STAT4: variants seen among roughly 807,000 people sequenced by gnomAD.
The protein encoded by STAT4 is signal transducer and activator of transcription 4.
In STAT4, 42 loss-of-function variants were observed where a neutral mutation model predicts 110.5. The ratio of observed to expected loss-of-function variants is 0.38; its 90% CI spans 0.30 to 0.49. The LOEUF (loss-of-function observed/expected upper bound fraction) is 0.49, where lower values mean the gene tolerates loss of function less well. Ranked by LOEUF, STAT4 falls within the 20% of genes least tolerant of loss-of-function variation. The pLI is 0.95. For missense variants in STAT4, 632 were observed against 887.9 expected (o/e 0.71, Z 3.66); for synonymous variants, 284 against 302.2 (o/e 0.94, Z 0.63).
rs200772241 is a variant in STAT4 at position 191,034,539 on chromosome 2, C to T, written c.1620+9G>A. The T allele has an allele frequency of 1.1e-5, 18 of 1,608,442 alleles. No homozygotes were observed. In the Admixed American group the frequency reaches 1.7e-4, roughly 15 times the overall value. On this transcript the variant is annotated intron_variant, in intron 18 of 23. Transcript: ENST00000392320. ...TGTATCTAAATGATGTTTCCCCGAC[C>T]GTTTGTACCTTGCAGAACTTGGCCC...
intron 8 of STAT4, among the ~76,000 whole-genome samples, chr2:191,063,165 T>G (rs868654271): frequency 6.6e-6 from 1 of 152,216 alleles, no homozygotes; most frequent in Non-Finnish European, 1.5e-5. Flanking sequence ...CAATTATATA[T>G]GTCATCATTT....
At chr2:191,094,093 A>G (rs1438035447) in intron 3 of STAT4, among the ~76,000 whole-genome samples, 1 of 152,248 alleles carries the variant, frequency 6.6e-6, no homozygotes, top group Non-Finnish European at 1.5e-5. Context: ...ACTATGTGAA[A>G]AGACCAAATC....
rs1305253798 is a variant in STAT4 at position 191,030,114 on chromosome 2, G to A, written c.2221-248C>T. 1.3e-5 allele frequency among the ~76,000 whole-genome samples: 2 copies of A among 152,166 alleles called. No individual in the cohort carries two copies. Among genetic ancestry groups the A allele is most frequent in the African/African-American group, 4.8e-5 (2 of 41,432 alleles). On this transcript the variant is annotated intron_variant, in intron 23 of 23. Coordinates refer to ENST00000392320, the MANE Select transcript of STAT4 (RefSeq NM_003151.4). The surrounding 1 kb of genome is among the most constrained non-coding windows in gnomAD (Gnocchi z 4.4). ...CCTGTTTATCCACCAAAAACATAAT[G>A]AGGAAATGGGTGCAAAATGTAGCAA...
At chr2:191,038,299 T>A (rs1042981158) in intron 16 of STAT4, among the ~76,000 whole-genome samples, 1 of 152,212 alleles carries the variant, frequency 6.6e-6, no homozygotes, top group Non-Finnish European at 1.5e-5. Flanking sequence ...TTGTCTCAGA[T>A]GCTAGGGCAC....
chr2:191,117,372 C>A lies in STAT4; in HGVS notation c.273+29241G>T, dbSNP rs1698600527. Among the ~76,000 whole-genome samples, 2 of 152,226 alleles carry A rather than the reference C, an allele frequency of 1.3e-5. No homozygotes were observed. Among genetic ancestry groups the A allele is most frequent in the Non-Finnish European group, 2.9e-5 (2 of 68,042 alleles). On this transcript the variant is annotated intron_variant, in intron 3 of 23. Coordinates refer to ENST00000392320, the MANE Select transcript of STAT4 (RefSeq NM_003151.4). The surrounding 1 kb of genome is among the most constrained non-coding windows in gnomAD (Gnocchi z 5.2). ...GCCATTGCATCTAATTTAGTGCCAACACAAATGTAATTTATTGCATGATTA... is the reference window on the plus strand; with the variant it reads ...GCCATTGCATCTAATTTAGTGCCAAAACAAATGTAATTTATTGCATGATTA...
Position 191,099,597 on chromosome 2 carries a change from A to C in STAT4, c.274-23272T>G, listed in dbSNP as rs12693593. Among the ~76,000 whole-genome samples, 13,523 of 152,204 alleles carry C rather than the reference A, an allele frequency of 0.089. 623 individuals are homozygous for C. Among genetic ancestry groups the C allele is most frequent in the Middle Eastern group, 0.12 (35 of 294 alleles). On this transcript the variant is annotated intron_variant, in intron 3 of 23. Coordinates refer to ENST00000392320, the MANE Select transcript of STAT4 (RefSeq NM_003151.4). The surrounding 1 kb of genome is among the most constrained non-coding windows in gnomAD (Gnocchi z 4.1). ...TTTGTAAATGACAAAATATTTCATC[A>C]TTTACAAAATTTCATAAACAACACA...
intron 3 of STAT4, among the ~76,000 whole-genome samples, chr2:191,097,247 T>C (rs975435407): frequency 7.2e-5 from 11 of 152,182 alleles, no homozygotes; most frequent in African/African-American, 2.2e-4. Context: ...CAAAGACTTT[T>C]TTCACAGAAT....
chr2:191,111,481 A>G (rs1698418980), intron 3 of STAT4, among the ~76,000 whole-genome samples: 1 of 152,242 alleles, frequency 6.6e-6, no homozygotes, highest in African/African-American at 2.4e-5. Context: ...AGTAACAAAC[A>G]GAAATGAACA....
At position 191,150,383 on chromosome 2, in the gene STAT4, T is replaced by C. The variant is rs538576830; in HGVS notation, c.-2+564A>G. Among the ~76,000 whole-genome samples, 28 of 152,352 alleles carry C rather than the reference T, an allele frequency of 1.8e-4. No individual in the cohort carries two copies. The highest frequency in any genetic ancestry group is 9.1e-4 in the Admixed American group (14 of 15,306). On this transcript the variant is annotated intron_variant, in intron 1 of 23. Coordinates refer to ENST00000392320, the MANE Select transcript of STAT4 (RefSeq NM_003151.4). This position sits in a 1 kb window ranked among gnomAD's most constrained non-coding sequence, Gnocchi z 6.4. ...ACGTTGCTTCTGAAAACTCAGTGCC[T>C]GTCTGTCCTTTTTGCGTGCATTTCC... is the stretch of plus-strand genomic sequence containing the variant.
chr2:191,109,774 A>G (rs906455381), intron 3 of STAT4, among the ~76,000 whole-genome samples: 1 of 152,132 alleles, frequency 6.6e-6, no homozygotes, highest in Non-Finnish European at 1.5e-5. Flanking sequence ...AATGAATCCC[A>G]CTGTTGGTTT....
chr2:191,094,179 G>A (rs1293824307), intron 3 of STAT4, among the ~76,000 whole-genome samples: 17 of 152,230 alleles, frequency 1.1e-4, no homozygotes, highest in Admixed American at 5.9e-4. Context: ...GATATTATCC[G>A]GGAGAACTTT....
At chr2:191,087,638 G>A (rs890892410) in intron 3 of STAT4, among the ~76,000 whole-genome samples, 1 of 152,056 alleles carries the variant, frequency 6.6e-6, no homozygotes, top group African/African-American at 2.4e-5. Flanking sequence ...GTCTTGTTAT[G>A]ACCAGCTTCT....
At chr2:191,109,062 G>A (rs1040785888) in intron 3 of STAT4, among the ~76,000 whole-genome samples, 3 of 152,164 alleles carry the variant, frequency 2.0e-5, no homozygotes, top group African/African-American at 7.2e-5. Context: ...GAATTGCAAT[G>A]CACTATTAAG....
At chr2:191,118,862 G>A (rs1574173143) in intron 3 of STAT4, among the ~76,000 whole-genome samples, 1 of 152,162 alleles carries the variant, frequency 6.6e-6, no homozygotes, top group African/African-American at 2.4e-5. Flanking sequence ...GGGCTCAGGT[G>A]ATGCTCCCAC....
chr2:191,066,335 T>A lies in STAT4; in HGVS notation c.630+95A>T, dbSNP rs1696985412. 1.5e-5 allele frequency: 17 copies of A among 1,113,014 alleles called. No homozygotes were observed. The South Asian group carries it at 2.0e-4, about 13-fold the overall frequency. The allele number at this position is 1,113,014 out of a possible 1,614,324, so 68.9% of individuals were successfully genotyped here. ...CGTTTCTTCATTCAGTAAATGGAAC[T>A]GATAAAATCTGACAGCTTGATTATT... On this transcript the variant is annotated intron_variant, in intron 7 of 23. Coordinates refer to ENST00000392320, the MANE Select transcript of STAT4 (RefSeq NM_003151.4). The surrounding 1 kb of genome is among the most constrained non-coding windows in gnomAD (Gnocchi z 4.3).
rs1275348059 is a variant in STAT4, at chr2:191,039,345, A to G, written c.1336-48T>C. The stretch of plus-strand genomic sequence containing the variant: ...TAGTTATTACAGGTAGTCCCACCTT[A>G]CATTGATCTTATGCTTGACCCTCGC... On this transcript the variant is annotated intron_variant, in intron 15 of 23. Coordinates refer to ENST00000392320, the MANE Select transcript of STAT4 (RefSeq NM_003151.4). This position sits in a 1 kb window ranked among gnomAD's most constrained non-coding sequence, Gnocchi z 4.7. The G allele has an allele frequency of 6.5e-7, 1 of 1,539,826 alleles. No individual in the cohort carries two copies. The highest frequency in any genetic ancestry group is 9.0e-7 in the Non-Finnish European group (1 of 1,112,586).
At chr2:191,076,023 A>ATTTT in intron 4 of STAT4, 5 of 413,324 alleles carry the variant, frequency 1.2e-5, no homozygotes, top group South Asian at 6.8e-5. Context: ...CTAATTTTTA[A>ATTTT]TTTTTTTTTT....
intron 16 of STAT4, among the ~76,000 whole-genome samples, chr2:191,036,612 C>T (rs188949525): frequency 1.3e-5 from 2 of 152,324 alleles, no homozygotes; most frequent in East Asian, 3.9e-4. Context: ...TCAAGCTGCA[C>T]ACTTGGCTTC....
chr2:191,078,675 G>A lies in STAT4; in HGVS notation c.274-2350C>T, dbSNP rs186164544. Among the ~76,000 whole-genome samples the A allele has an allele frequency of 2.0e-3, 312 of 152,252 alleles. 1 individual carries two copies. The highest frequency in any genetic ancestry group is 6.9e-3 in the African/African-American group (286 of 41,568). On this transcript the variant is annotated intron_variant, in intron 3 of 23. Transcript: ENST00000392320. ...CAAACCCTTAAGTGTGTGTTAGTGG[G>A]AGGAAGGAAGCAGCATGCCAGAAAA... is the stretch of plus-strand genomic sequence containing the variant.
Sources: gnomAD v4.1 joint callset for allele counts (sites outside exome capture counted in the v4.1 genomes callset) on GRCh38, gnomAD v4.1.1 for gene constraint, Gnocchi (gnomAD v3.1) non-coding constraint, MANE v1.5 for transcripts, NCBI Gene and HGNC (gene_info 2026-07-23, HGNC 2026-07-21) for gene names.